ASAP1: variants seen among roughly 807,000 people sequenced by gnomAD.
ASAP1 encodes the protein arf-GAP with SH3 domain, ANK repeat and PH domain-containing protein 1.
In ASAP1, 43 loss-of-function variants were observed where a neutral mutation model predicts 145.2. The ratio of observed to expected loss-of-function variants is 0.30; its 90% CI spans 0.23 to 0.38. The LOEUF (loss-of-function observed/expected upper bound fraction) is 0.38. Among genes scored for constraint, ASAP1 ranks in the 10% least tolerant of loss-of-function variants. The probability of loss-of-function intolerance (pLI) is 1.00; values close to 1 mark genes in which losing one functional copy is unlikely to be tolerated. For synonymous variants in ASAP1, 546 were observed against 515.5 expected, an observed-to-expected ratio of 1.06 and a Z score of -0.80; for missense variants, 1,018 against 1,355.3, an observed-to-expected ratio of 0.75 and a Z score of 3.91.
intron 3 of ASAP1, among the ~76,000 whole-genome samples, chr8:130,328,718 T>G (rs181302397): frequency 6.6e-6 from 1 of 152,010 alleles, no homozygotes; most frequent in Non-Finnish European, 1.5e-5. Context: ...ACTCCTGGGC[T>G]CAAGCAATCC....
rs184799263 is a variant in ASAP1, at chr8:130,153,402, C to T, written c.1011-597G>A. ...ATATATATTTTGAGACAGGGTCTTG[C>T]TCTGACATCCAGGCTAGAGTACAGT... On this transcript the variant is annotated intron_variant, in intron 12 of 29. Transcript: ENST00000518721. Among the ~76,000 whole-genome samples the T allele has an allele frequency of 2.3e-3, 327 of 139,686 alleles. 1 individual carries two copies. The highest frequency in any genetic ancestry group is 8.5e-3 in the African/African-American group (315 of 37,036). The allele number at this position is 139,686 out of a possible 152,430, so 91.6% of individuals were successfully genotyped here. A position where few individuals can be genotyped will look rare whatever the true frequency, so the allele number is the denominator to read the frequency against.
intron 4 of ASAP1, among the ~76,000 whole-genome samples, chr8:130,234,688 A>G (rs1026852527): frequency 6.7e-6 from 1 of 150,354 alleles, no homozygotes; most frequent in Non-Finnish European, 1.5e-5. Flanking sequence ...TTTGGAAAAG[A>G]GTCACATGGA....
At chr8:130,131,787 G>C (rs2097583536) in intron 15 of ASAP1, among the ~76,000 whole-genome samples, 2 of 152,122 alleles carry the variant, frequency 1.3e-5, no homozygotes, top group Admixed American at 1.3e-4. Context: ...GACAGAGTGA[G>C]ACCTTGTCTC....
At chr8:130,430,506 G>A (rs944996574) in intron 1 of ASAP1, among the ~76,000 whole-genome samples, 3 of 152,184 alleles carry the variant, frequency 2.0e-5, no homozygotes, top group African/African-American at 7.2e-5. Flanking sequence ...CAGTTGAAAC[G>A]TCCAGCTGCT....
intron 1 of ASAP1, among the ~76,000 whole-genome samples, chr8:130,422,652 A>C (rs984670123): frequency 6.6e-6 from 1 of 151,966 alleles, no homozygotes; most frequent in African/African-American, 2.4e-5. Context: ...GGGGATTCAC[A>C]CTCCTTGAAG....
intron 8 of ASAP1, 151 bp downstream of exon 8, chr8:130,180,600 T>C: frequency 9.5e-7 from 1 of 1,057,136 alleles, no homozygotes; most frequent in Admixed American, 2.8e-5. Context: ...CCCAAAAGGC[T>C]TGGAGAAAAA....
At chr8:130,383,516 G>A (rs1412168627) in intron 2 of ASAP1, among the ~76,000 whole-genome samples, 1 of 152,112 alleles carries the variant, frequency 6.6e-6, no homozygotes, top group Non-Finnish European at 1.5e-5. Flanking sequence ...CATGCACCAG[G>A]TACAGAGTGC....
chr8:130,160,691 GAAAT>G (rs1390440135), intron 11 of ASAP1: 22 of 832,460 alleles, frequency 2.6e-5, no homozygotes, highest in Non-Finnish European at 2.8e-5. Context: ...GAAAATGTAA[GAAAT>G]AAAATCAACA....
chr8:130,091,131 C>A (rs2097504590), intron 25 of ASAP1, among the ~76,000 whole-genome samples: 1 of 152,192 alleles, frequency 6.6e-6, no homozygotes, highest in Non-Finnish European at 1.5e-5. Context: ...TGACTCTGGG[C>A]AAATTTATTC....
At chr8:130,217,081 G>C (rs775980287) in intron 4 of ASAP1, among the ~76,000 whole-genome samples, 1 of 152,122 alleles carries the variant, frequency 6.6e-6, no homozygotes, top group Non-Finnish European at 1.5e-5. Context: ...TACTCTCAAA[G>C]TAAGGCAGGA....
At chr8:130,441,047 T>C (rs1434980284) in intron 1 of ASAP1, among the ~76,000 whole-genome samples, 2 of 152,214 alleles carry the variant, frequency 1.3e-5, no homozygotes, top group Non-Finnish European at 2.9e-5. Context: ...ACACAGGGCT[T>C]AGCATGGCGC....
rs76481566 is a variant in ASAP1 at position 130,337,081 on chromosome 8, G to A, written c.186+20936C>T. 1.3e-3 allele frequency among the ~76,000 whole-genome samples: 191 copies of A among 152,284 alleles called. 1 individual carries two copies. Among genetic ancestry groups the A allele is most frequent in the African/African-American group, 4.4e-3 (184 of 41,558 alleles). On this transcript the variant is annotated intron_variant, in intron 3 of 29. Transcript: ENST00000518721. ...AATCACAAATAGCTAACCCAGTCAG[G>A]ACTCACATCAGAGTTTGTATGAGGA...
chr8:130,289,374 T>G (rs1176560696), intron 3 of ASAP1, among the ~76,000 whole-genome samples: 1 of 152,210 alleles, frequency 6.6e-6, no homozygotes, highest in Non-Finnish European at 1.5e-5. Flanking sequence ...TCTTCCTATG[T>G]TTTGTATTTT....
At chr8:130,150,375 C>A (rs2097643200) in intron 13 of ASAP1, among the ~76,000 whole-genome samples, 1 of 152,194 alleles carries the variant, frequency 6.6e-6, no homozygotes, top group Non-Finnish European at 1.5e-5. Context: ...GGTCATATAA[C>A]CACTAAGCAG....
intron 27 of ASAP1, among the ~76,000 whole-genome samples, chr8:130,067,408 G>A (rs966789397): frequency 6.6e-6 from 1 of 152,142 alleles, no homozygotes; most frequent in Non-Finnish European, 1.5e-5. Flanking sequence ...TTTACTGATT[G>A]ATTGATTGAC....
At chr8:130,282,052 G>C (rs1821283328) in intron 3 of ASAP1, among the ~76,000 whole-genome samples, 2 of 146,984 alleles carry the variant, frequency 1.4e-5, no homozygotes, top group South Asian at 2.2e-4. Flanking sequence ...CCAGGCGACA[G>C]TGCAAGACTC....
In ASAP1 at chr8:130,358,611, CGGCG is replaced by C. The variant is rs1287632034; in HGVS notation, c.60-472_60-469del. On this transcript the variant is annotated intron_variant, in intron 2 of 29. Transcript: ENST00000518721. The surrounding 1 kb of genome is among the most constrained non-coding windows in gnomAD (Gnocchi z 4.1). ...CTGACTGACTGAGCGCACACTCCCG[CGGCG>C]GGCGGGCGGGCGGGCGGCGCTCGCG... Among the ~76,000 whole-genome samples the C allele has an allele frequency of 2.8e-5, 4 of 144,986 alleles. No individual in the cohort carries two copies. Among genetic ancestry groups the C allele is most frequent in the African/African-American group, 7.5e-5 (3 of 40,046 alleles).
At chr8:130,434,341 G>GA (rs756596682) in intron 1 of ASAP1, among the ~76,000 whole-genome samples, 204 of 148,788 alleles carry the variant, frequency 1.4e-3, no homozygotes, top group Middle Eastern at 0.01. Context: ...TCTCAAAAAA[G>GA]AAAAAAAAAA....
intron 18 of ASAP1, 148 bp downstream of exon 18, chr8:130,123,865 T>C (rs1252547445): frequency 1.7e-6 from 1 of 586,212 alleles, no homozygotes; most frequent in Non-Finnish European, 3.0e-6. Context: ...CCTGACCTCG[T>C]GATCCGTTTG....
Sources: allele counts gnomAD v4.1 joint callset (sites outside exome capture counted in the v4.1 genomes callset), GRCh38; gene constraint gnomAD v4.1.1; non-coding constraint Gnocchi (gnomAD v3.1); transcripts MANE v1.5; gene names NCBI Gene and HGNC (gene_info 2026-07-23, HGNC 2026-07-21).